Variants in SLC2A10 observed in about 807,000 individuals in gnomAD.
SLC2A10 encodes solute carrier family 2 member 10.
In SLC2A10, 25 loss-of-function variants were observed where a neutral mutation model predicts 32.1. The observed-to-expected ratio is 0.78, with a 90% CI of 0.57 to 1.09. The LOEUF (loss-of-function observed/expected upper bound fraction) is 1.09, where lower values mean the gene tolerates loss of function less well. SLC2A10 is among the 50% of genes least tolerant of loss of function. The pLI is 0.00. For missense variants in SLC2A10, 673 were observed against 686.5 expected, an observed-to-expected ratio of 0.98 and a Z score of 0.22; for synonymous variants, 332 against 309.6, an observed-to-expected ratio of 1.07 and a Z score of -0.76.
chr20:46,727,330 A>AT lies in SLC2A10; in HGVS notation c.1411+352dup, dbSNP rs894619690. ...GCTTTTCTTTTCTTTTTAATTTTTA[A>AT]TTTTTTTTGAGATGGAATCTTGCTC... is the stretch of plus-strand genomic sequence containing the variant. On this transcript the variant is annotated intron_variant, in intron 3 of 4. Coordinates refer to ENST00000359271, the MANE Select transcript of SLC2A10 (RefSeq NM_030777.4). Among the ~76,000 whole-genome samples, 15 of 151,722 alleles carry AT rather than the reference A, an allele frequency of 9.9e-5. No homozygotes were observed. The East Asian group carries it at 2.5e-3, about 25-fold the overall frequency.
chr20:46,733,267 G>A (rs1387876779), intron 4 of SLC2A10, among the ~76,000 whole-genome samples: 2 of 152,076 alleles, frequency 1.3e-5, no homozygotes, highest in Non-Finnish European at 1.5e-5. Flanking sequence ...CTTCCATGGC[G>A]GGAGCAGGGG....
At chr20:46,728,112 G>GAGGA (rs1028318131) in intron 3 of SLC2A10, among the ~76,000 whole-genome samples, 3 of 152,192 alleles carry the variant, frequency 2.0e-5, no homozygotes, top group African/African-American at 4.8e-5. Flanking sequence ...GGGAGGGAGG[G>GAGGA]AGGAAGGAAG....
intron 1 of SLC2A10, among the ~76,000 whole-genome samples, chr20:46,719,493 G>A (rs1049371699): frequency 4.6e-5 from 7 of 152,140 alleles, no homozygotes; most frequent in South Asian, 2.1e-4. Context: ...TTTACATGGC[G>A]GCAGGCAAGA....
chr20:46,732,032 A>AT (rs1003436551), intron 4 of SLC2A10, among the ~76,000 whole-genome samples: 2 of 152,220 alleles, frequency 1.3e-5, no homozygotes, highest in African/African-American at 4.8e-5. Flanking sequence ...TGGGAGGCAG[A>AT]TGCCGGTAGA....
chr20:46,735,127 T>C lies in SLC2A10; in HGVS notation c.*1293T>C, dbSNP rs707507. On this transcript the variant is annotated 3_prime_UTR_variant, in exon 5 of 5. Transcript: ENST00000359271. ...GGGGGACTGAGCAAGTAGCTATGAC[T>C]GCAGATCATGTAAGGAAGGGACTGA... The C allele has an allele frequency of 0.39, 59,118 of 152,528 alleles. 12,098 individuals are homozygous for C. The highest frequency in any genetic ancestry group is 0.59 in the East Asian group (3,023 of 5,160). 9.4% of individuals were successfully genotyped at this position (152,528 alleles called of 1,614,324 possible).
intron 1 of SLC2A10, among the ~76,000 whole-genome samples, chr20:46,723,130 T>C (rs890454978): frequency 5.9e-5 from 9 of 152,186 alleles, no homozygotes; most frequent in Non-Finnish European, 1.0e-4. Context: ...CTTACTGCCA[T>C]CAGGGACCCA....
chr20:46,710,860 G>T (rs1291427796), intron 1 of SLC2A10, among the ~76,000 whole-genome samples: 1 of 152,014 alleles, frequency 6.6e-6, no homozygotes, highest in African/African-American at 2.4e-5. Flanking sequence ...GCGGGGCCGT[G>T]ACCTGAATTA....
Position 46,725,952 on chromosome 20 carries a change from C to T in SLC2A10, c.916C>T (p.Leu306Phe). 6.2e-7 allele frequency: 1 copy of T among 1,613,892 alleles called. No individual in the cohort carries two copies. Among genetic ancestry groups the T allele is most frequent in the Non-Finnish European group, 8.5e-7 (1 of 1,180,040 alleles). The change falls in exon 2 of 5, where the codon CTC becomes TTC. Residue 306 changes from leucine (L) to phenylalanine (F), a missense_variant. Coordinates refer to ENST00000359271, the MANE Select transcript of SLC2A10 (RefSeq NM_030777.4). ...GGCTCTGTTGCTAGCTGGCTGTGCC[C>T]TCATGGCCCTGTCCGTCAGTGGCAT... ...RRALLLAGCA[L>F]MALSVSGIGL...
chr20:46,727,111 A>G, intron 3 of SLC2A10, 125 bp downstream of exon 3: 1 of 1,295,326 alleles, frequency 7.7e-7, no homozygotes. Context: ...AACATCATCA[A>G]ATGTCCAAGA....
chr20:46,725,725 G>A lies in SLC2A10; in HGVS notation c.689G>A (p.Gly230Asp). The change falls in exon 2 of 5, where the codon GGC becomes GAC. Residue 230 changes from glycine (G) to aspartate (D), a missense_variant. By Grantham distance (94) the Gly-to-Asp change is moderately conservative. Transcript: ENST00000359271. ...DLFRARDNMR[G>D]RTTVGLGLVL... Reference sequence around the variant, plus strand: ...TTCAGGGCACGCGATAACATGCGAGGCCGGACCACAGTGGGCCTGGGGCTG... The same window carrying A: ...TTCAGGGCACGCGATAACATGCGAGACCGGACCACAGTGGGCCTGGGGCTG... 1 of 1,614,118 alleles carries A rather than the reference G, an allele frequency of 6.2e-7. No homozygotes were observed. The highest frequency in any genetic ancestry group is 1.3e-5 in the African/African-American group (1 of 75,038).
chr20:46,721,724 G>T (rs993058494), intron 1 of SLC2A10, among the ~76,000 whole-genome samples: 14 of 152,134 alleles, frequency 9.2e-5, no homozygotes, highest in African/African-American at 3.1e-4. Flanking sequence ...TTTCATAAAG[G>T]CCTTCTGCAC....
Position 46,725,676 on chromosome 20 carries a change from C to A in SLC2A10, c.640C>A (p.Pro214Thr). ...GEAPKLGPGRPRYSFLDLFRA... is the reference protein window; with the variant it reads ...GEAPKLGPGRTRYSFLDLFRA... ...GGCCCCCAAGCTGGGCCCGGGGAGG[C>A]CACGGTACTCCTTTCTGGACCTCTT... Residue 214 changes from proline to threonine, a missense_variant, in exon 2 of 5, where the codon CCA (proline) becomes ACA (threonine). Transcript: ENST00000359271. The A allele has an allele frequency of 6.2e-7, 1 of 1,614,024 alleles. No individual in the cohort carries two copies. Among genetic ancestry groups the A allele is most frequent in the Non-Finnish European group, 8.5e-7 (1 of 1,179,960 alleles).
intron 1 of SLC2A10, 102 bp downstream of exon 1, chr20:46,709,842 C>T (rs894804793): frequency 1.4e-6 from 2 of 1,411,540 alleles, no homozygotes; most frequent in East Asian, 2.6e-5. Context: ...CTGGCTCCCC[C>T]AGGGCCGCCC....
At position 46,715,233 on chromosome 20, in the gene SLC2A10, CGTTT is replaced by C. The variant is rs11472342; in HGVS notation, c.4+5514_4+5517del. 1.8e-3 allele frequency among the ~76,000 whole-genome samples: 272 copies of C among 151,250 alleles called. 2 individuals carry two copies. The highest frequency in any genetic ancestry group is 5.6e-3 in the African/African-American group (228 of 41,002). On this transcript the variant is annotated intron_variant, in intron 1 of 4. Transcript: ENST00000359271. Reference sequence around the variant, plus strand: ...CTGTTATTATTACTGTTTTATTTCACGTTTGTTTGTTTGTTTGTTTGTTTCTATT... The same window carrying C: ...CTGTTATTATTACTGTTTTATTTCACGTTTGTTTGTTTGTTTGTTTCTATT...
In SLC2A10 at chr20:46,725,745, G is replaced by T. The variant is rs1463765996; in HGVS notation, c.709G>T (p.Gly237Trp). Reference sequence around the variant, plus strand: ...GCGAGGCCGGACCACAGTGGGCCTGGGGCTGGTGCTCTTCCAGCAACTAAC... The same window carrying T: ...GCGAGGCCGGACCACAGTGGGCCTGTGGCTGGTGCTCTTCCAGCAACTAAC... The part of the protein sequence containing the change: ...NMRGRTTVGL[G>W]LVLFQQLTGQ... Residue 237 changes from glycine (G) to tryptophan (W), a missense_variant, in exon 2 of 5, where the codon GGG (glycine) becomes TGG (tryptophan). Gly to Trp is a radical substitution (Grantham distance 184, BLOSUM62 -2). Transcript: ENST00000359271. The T allele has an allele frequency of 1.2e-6, 2 of 1,614,208 alleles. No homozygotes were observed. The highest frequency in any genetic ancestry group is 1.6e-4 in the Middle Eastern group (1 of 6,062).
rs1979914761 is a variant in SLC2A10 at position 46,726,000 on chromosome 20, C to T, written c.964C>T (p.Pro322Ser). 1.2e-6 allele frequency: 2 copies of T among 1,613,814 alleles called. No individual in the cohort carries two copies. The highest frequency in any genetic ancestry group is 1.6e-4 in the Middle Eastern group (1 of 6,084). The stretch of plus-strand genomic sequence containing the variant: ...CATAGGCCTCGTCAGCTTTGCCGTG[C>T]CCATGGACTCAGGCCCAAGCTGTCT... ...SGIGLVSFAV[P>S]MDSGPSCLAV... is the part of the protein sequence containing the mutation. Residue 322 changes from proline to serine, a missense_variant, in exon 2 of 5, where the codon CCC becomes TCC. Physicochemically the swap from Pro to Ser is moderately conservative, Grantham distance 74 (BLOSUM62 -1). Transcript: ENST00000359271.
intron 1 of SLC2A10, among the ~76,000 whole-genome samples, chr20:46,724,324 G>A (rs2031545419): frequency 6.6e-6 from 1 of 152,218 alleles, no homozygotes; most frequent in Non-Finnish European, 1.5e-5. Flanking sequence ...AATTTAGATG[G>A]ATGGATAGAT....
rs182705628 is a variant in SLC2A10, at chr20:46,718,340, A to G, written c.5-6701A>G. Among the ~76,000 whole-genome samples, 247 of 152,288 alleles carry G rather than the reference A, an allele frequency of 1.6e-3. 1 individual carries two copies. Among genetic ancestry groups the G allele is most frequent in the African/African-American group, 5.7e-3 (238 of 41,560 alleles). On this transcript the variant is annotated intron_variant, in intron 1 of 4. Transcript: ENST00000359271. ...TTTTCTCCTTATTTATGCTTACCAA[A>G]GCATTATCTGTTTTCTTATCCATGT...
In SLC2A10 at chr20:46,727,685, G is replaced by A. The variant is rs749651613; in HGVS notation, c.1411+699G>A. ...TCCCTAGCATTGAAACCCATTCTGA[G>A]GTGTGGTGGGATGGGGTGGAAATGA... On this transcript the variant is annotated intron_variant, in intron 3 of 4. Transcript: ENST00000359271. Among the ~76,000 whole-genome samples the A allele has an allele frequency of 7.4e-4, 112 of 152,106 alleles. 1 individual carries two copies. Among genetic ancestry groups the A allele is most frequent in the Non-Finnish European group, 1.4e-3 (97 of 68,016 alleles).
Sources: allele counts gnomAD v4.1 joint callset (sites outside exome capture counted in the v4.1 genomes callset), GRCh38; gene constraint gnomAD v4.1.1; transcripts MANE v1.5; gene names NCBI Gene and HGNC (gene_info 2026-07-23, HGNC 2026-07-21).